The following NKAIN3 variants were observed in gnomAD, a reference collection of about 807,000 sequenced individuals.
NKAIN3 encodes the protein sodium/potassium-transporting ATPase subunit beta-1-interacting protein 3.
A neutral mutation model predicts 30.2 loss-of-function variants in NKAIN3; 25 were observed. That is an observed-to-expected ratio of 0.83 (90% confidence interval 0.60 to 1.16). NKAIN3 has a LOEUF of 1.16. Ranked by LOEUF, NKAIN3 falls within the 50% of genes most tolerant of loss-of-function variation. The pLI is 0.00. For synonymous variants in NKAIN3, 91 were observed against 89.6 expected, an observed-to-expected ratio of 1.02 and a Z score of -0.09; for missense variants, 225 against 254.1, an observed-to-expected ratio of 0.89 and a Z score of 0.78.
intron 1 of NKAIN3, among the ~76,000 whole-genome samples, chr8:62,364,249 G>A (rs1816656324): frequency 6.6e-6 from 1 of 152,168 alleles, no homozygotes; most frequent in Non-Finnish European, 1.5e-5. Flanking sequence ...ATTGGCTCAA[G>A]CCTATTAACA....
intron 3 of NKAIN3, among the ~76,000 whole-genome samples, chr8:62,613,339 C>G: frequency 6.6e-6 from 1 of 152,152 alleles, no homozygotes; most frequent in Non-Finnish European, 1.5e-5. Context: ...TAAATATGTC[C>G]TGCCACTCTC....
intron 3 of NKAIN3, among the ~76,000 whole-genome samples, chr8:62,655,415 G>T (rs980468633): frequency 6.6e-6 from 1 of 152,060 alleles, no homozygotes; most frequent in African/African-American, 2.4e-5. Context: ...TAGATTAGAG[G>T]GAAGTAAGAT....
intron 1 of NKAIN3, among the ~76,000 whole-genome samples, chr8:62,281,602 A>G (rs777817838): frequency 3.9e-5 from 6 of 152,152 alleles, no homozygotes; most frequent in Non-Finnish European, 5.9e-5. Flanking sequence ...TTCAAAGAAC[A>G]TCTTTATTTC....
At chr8:62,949,654 G>T (rs1165970669) in intron 5 of NKAIN3, among the ~76,000 whole-genome samples, 2 of 152,144 alleles carry the variant, frequency 1.3e-5, no homozygotes, top group East Asian at 3.9e-4. Flanking sequence ...TTCTGAGAAT[G>T]GGTGTAGAGA....
chr8:62,838,690 C>G (rs538840018), intron 4 of NKAIN3, among the ~76,000 whole-genome samples: 2 of 152,018 alleles, frequency 1.3e-5, no homozygotes, highest in African/African-American at 4.8e-5. Context: ...GGCATCAGCA[C>G]TAAAAACACC....
At chr8:62,321,564 G>T (rs1295370459) in intron 1 of NKAIN3, among the ~76,000 whole-genome samples, 1 of 152,206 alleles carries the variant, frequency 6.6e-6, no homozygotes, top group Non-Finnish European at 1.5e-5. Flanking sequence ...ACCTTCAGCT[G>T]CAGGTCTGTT....
At chr8:62,489,305 G>C (rs746531932) in intron 1 of NKAIN3, among the ~76,000 whole-genome samples, 1 of 152,040 alleles carries the variant, frequency 6.6e-6, no homozygotes, top group Non-Finnish European at 1.5e-5. Context: ...GATTAGAGGC[G>C]TGAGCCACCA....
At chr8:62,563,998 G>T (rs994853677) in intron 1 of NKAIN3, among the ~76,000 whole-genome samples, 3 of 152,102 alleles carry the variant, frequency 2.0e-5, no homozygotes, top group Non-Finnish European at 2.9e-5. Context: ...TTAAATCAAA[G>T]GACAGAGAAA....
intron 3 of NKAIN3, among the ~76,000 whole-genome samples, chr8:62,641,169 T>C (rs78429097): frequency 0.058 from 8,772 of 152,178 alleles, 839 homozygotes; most frequent in African/African-American, 0.2. Flanking sequence ...GATGCTCAGA[T>C]GATCCTTACA....
chr8:62,737,295 G>C (rs766841113), intron 3 of NKAIN3, among the ~76,000 whole-genome samples: 18 of 152,172 alleles, frequency 1.2e-4, no homozygotes, highest in Non-Finnish European at 2.5e-4. Flanking sequence ...GCATTGTCAT[G>C]GTGGAGAAGG....
chr8:62,806,313 G>C (rs773488347), intron 4 of NKAIN3, among the ~76,000 whole-genome samples: 7 of 152,014 alleles, frequency 4.6e-5, no homozygotes, highest in African/African-American at 1.7e-4. Context: ...GGTATATACC[G>C]AAAGGACTAT....
At chr8:62,536,125 A>T (rs1808652604) in intron 1 of NKAIN3, among the ~76,000 whole-genome samples, 1 of 152,214 alleles carries the variant, frequency 6.6e-6, no homozygotes, top group Non-Finnish European at 1.5e-5. Flanking sequence ...TGCATGAAAA[A>T]TTTCAAAGAA....
At chr8:62,930,605 C>G (rs553848611) in intron 5 of NKAIN3, among the ~76,000 whole-genome samples, 82 of 152,098 alleles carry the variant, frequency 5.4e-4, no homozygotes, top group Middle Eastern at 3.4e-3. Context: ...TTACCTCATG[C>G]AAATAGAATT....
chr8:62,324,825 A>G (rs1284777213), intron 1 of NKAIN3, among the ~76,000 whole-genome samples: 1 of 152,142 alleles, frequency 6.6e-6, no homozygotes, highest in Non-Finnish European at 1.5e-5. Flanking sequence ...CTATTTTGCT[A>G]ATGGTTCAAA....
chr8:62,930,132 C>T (rs1335802140), intron 5 of NKAIN3, among the ~76,000 whole-genome samples: 1 of 152,106 alleles, frequency 6.6e-6, no homozygotes, highest in Non-Finnish European at 1.5e-5. Context: ...GAGTGTTGTG[C>T]GACCATCACT....
chr8:62,627,307 A>G (rs1586024736), intron 3 of NKAIN3, among the ~76,000 whole-genome samples: 1 of 152,282 alleles, frequency 6.6e-6, no homozygotes, highest in East Asian at 1.9e-4. Flanking sequence ...CCTATTATTT[A>G]CTACACTGAT....
intron 1 of NKAIN3, among the ~76,000 whole-genome samples, chr8:62,329,081 C>A (rs952517476): frequency 6.6e-6 from 1 of 151,954 alleles, no homozygotes; most frequent in Non-Finnish European, 1.5e-5. Flanking sequence ...CTTCTGCCAA[C>A]AGCCATGGAA....
chr8:62,687,121 AATT>A (rs1161667377), intron 3 of NKAIN3, among the ~76,000 whole-genome samples: 1 of 152,240 alleles, frequency 6.6e-6, no homozygotes, highest in Non-Finnish European at 1.5e-5. Flanking sequence ...TAAATTTTCT[AATT>A]ATTAACCAAT....
intron 1 of NKAIN3, among the ~76,000 whole-genome samples, chr8:62,266,759 G>A (rs1812619577): frequency 2.0e-5 from 3 of 152,140 alleles, no homozygotes; most frequent in Admixed American, 6.5e-5. Flanking sequence ...GGCAACACCC[G>A]GAAGTTACTG....
Sources: gnomAD v4.1 joint callset for allele counts (sites outside exome capture counted in the v4.1 genomes callset) on GRCh38, gnomAD v4.1.1 for gene constraint, MANE v1.5 for transcripts, NCBI Gene and HGNC (gene_info 2026-07-23, HGNC 2026-07-21) for gene names.